Variants in CCDC68 observed in about 807,000 individuals in gnomAD.
CCDC68 encodes coiled-coil domain-containing protein 68.
Under a neutral mutation model 47.1 loss-of-function variants are expected in CCDC68, and 45 were observed. The observed-to-expected ratio is 0.96, with a 90% CI of 0.75 to 1.23. CCDC68 has a LOEUF of 1.23. Ranked by LOEUF, CCDC68 falls within the 50% of genes most tolerant of loss-of-function variation. CCDC68 has a pLI of 0.00. For missense variants in CCDC68, 353 were observed against 373.6 expected (o/e 0.94, Z 0.45); for synonymous variants, 131 against 129.5 (o/e 1.01, Z -0.08).
chr18:54,937,069 G>T, intron 5 of CCDC68, 111 bp from the exon 6 acceptor site: 1 of 980,010 alleles, frequency 1.0e-6, no homozygotes, highest in Non-Finnish European at 1.6e-6. Context: ...ACCATTTACA[G>T]CCTCATAGAC....
chr18:54,905,047 C>T (rs546962124), intron 11 of CCDC68, among the ~76,000 whole-genome samples: 1 of 152,116 alleles, frequency 6.6e-6, no homozygotes, highest in South Asian at 2.1e-4. Flanking sequence ...ATCACTTGAG[C>T]CCAGGAGTTC....
chr18:54,904,553 T>C lies in CCDC68; in HGVS notation c.951-138A>G, dbSNP rs1913874473. 1.0e-5 allele frequency: 7 copies of C among 683,376 alleles called. No individual in the cohort carries two copies. The South Asian group carries it at 1.1e-4, about 11-fold the overall frequency. The allele number at this position is 683,376 out of a possible 1,614,324, so 42.3% of individuals were successfully genotyped here. On this transcript the variant is annotated intron_variant, in intron 11 of 11. Transcript: ENST00000591504. ...TGCTTTGTTCTAAGAGATGTGTTAA[T>C]AGATGTATTCTGACCAGTTCCCCAT... is the stretch of plus-strand genomic sequence containing the variant.
chr18:54,911,242 G>T (rs1914348904), intron 10 of CCDC68, among the ~76,000 whole-genome samples: 1 of 151,974 alleles, frequency 6.6e-6, no homozygotes, highest in Non-Finnish European at 1.5e-5. Context: ...TAGAGACAGG[G>T]TTTCACCATG....
chr18:54,957,568 C>A (rs980435885), intron 1 of CCDC68, among the ~76,000 whole-genome samples: 93 of 152,068 alleles, frequency 6.1e-4, no homozygotes, highest in African/African-American at 2.1e-3. Context: ...CATGAATAGG[C>A]CCACAAATTT....
chr18:54,925,025 C>T (rs1339388465), intron 8 of CCDC68, among the ~76,000 whole-genome samples: 1 of 152,076 alleles, frequency 6.6e-6, no homozygotes, highest in African/African-American at 2.4e-5. Context: ...TATGACCATA[C>T]CCTGGGCAAT....
intron 7 of CCDC68, among the ~76,000 whole-genome samples, chr18:54,930,821 C>T (rs185150988): frequency 9.9e-5 from 15 of 151,056 alleles, no homozygotes; most frequent in Admixed American, 5.9e-4. Flanking sequence ...CAGGTTCAAG[C>T]GATTCTCCTG....
At chr18:54,958,248 G>A (rs1308155273) in intron 1 of CCDC68, among the ~76,000 whole-genome samples, 1 of 152,178 alleles carries the variant, frequency 6.6e-6, no homozygotes, top group East Asian at 1.9e-4. Context: ...AAATTCCTCT[G>A]TGTCAGGGGC....
chr18:54,904,364 C>T lies in CCDC68; in HGVS notation c.1002G>A (p.Arg334=). The part of the protein sequence containing the change: ...VSPYLMLIRL[R]K Reference sequence around the variant, plus strand: ...AGATCTTCATCCAGCCAGTTCATTTCCGTAACCTAATCAACATTAAATAAG... The same window carrying T: ...AGATCTTCATCCAGCCAGTTCATTTTCGTAACCTAATCAACATTAAATAAG... Residue 334 remains arginine (R), a synonymous_variant, in exon 12 of 12, where the codon CGG becomes CGA. Transcript: ENST00000591504. The T allele has an allele frequency of 6.2e-7, 1 of 1,612,628 alleles. No homozygotes were observed. The highest frequency in any genetic ancestry group is 8.5e-7 in the Non-Finnish European group (1 of 1,178,690).
rs1349921031 is a variant in CCDC68, at chr18:54,936,840, A to G, written c.464T>C (p.Leu155Ser). 1 of 1,613,952 alleles carries G rather than the reference A, an allele frequency of 6.2e-7. No individual in the cohort carries two copies. Among genetic ancestry groups the G allele is most frequent in the Non-Finnish European group, 8.5e-7 (1 of 1,179,986 alleles). Reference protein sequence around the residue: ...VRKKQEDSKQLLQVNKLEKEQ... With the variant: ...VRKKQEDSKQSLQVNKLEKEQ... ...AAGCTGCATGTTTGGTACCTGGAGT[A>G]ATTGTTTACTGTCCTCCTGCTTCTT... Residue 155 changes from leucine to serine, a missense_variant, in exon 6 of 12, where the codon TTA becomes TCA. Coordinates refer to ENST00000591504, the MANE Select transcript of CCDC68 (RefSeq NM_025214.3).
chr18:54,919,409 A>G (rs762579438), intron 8 of CCDC68, 33 bp from the exon 9 acceptor site: 1 of 1,495,588 alleles, frequency 6.7e-7, no homozygotes, highest in Non-Finnish European at 9.3e-7. Context: ...ACCAAGAGAA[A>G]ATGATTGGCT....
intron 7 of CCDC68, among the ~76,000 whole-genome samples, chr18:54,932,753 G>A (rs2044284988): frequency 6.6e-6 from 1 of 152,208 alleles, no homozygotes; most frequent in Non-Finnish European, 1.5e-5. Flanking sequence ...GCCAGGATCT[G>A]AGCCACTGAA....
chr18:54,910,712 C>T (rs918635204), intron 10 of CCDC68, among the ~76,000 whole-genome samples: 6 of 152,248 alleles, frequency 3.9e-5, no homozygotes, highest in Admixed American at 1.3e-4. Flanking sequence ...CTTGGCTTCC[C>T]TCTCATGCTC....
At position 54,902,449 on chromosome 18, in the gene CCDC68, C is replaced by T. The variant is rs1264292322; in HGVS notation, c.*1909G>A. On this transcript the variant is annotated 3_prime_UTR_variant, in exon 12 of 12. Coordinates refer to ENST00000591504, the MANE Select transcript of CCDC68 (RefSeq NM_025214.3). ...CTTACTACACTGCAAATACTTAAAGCAGGACTCATGATCCTAATTTTCCTA... is the reference window on the plus strand; with the variant it reads ...CTTACTACACTGCAAATACTTAAAGTAGGACTCATGATCCTAATTTTCCTA... 6.6e-6 allele frequency: 1 copy of T among 152,160 alleles called. No homozygotes were observed. The allele number at this position is 152,160 out of a possible 1,614,324, so 9.4% of individuals were successfully genotyped here.
intron 2 of CCDC68, among the ~76,000 whole-genome samples, chr18:54,943,250 T>C (rs975551930): frequency 6.6e-6 from 1 of 152,082 alleles, no homozygotes; most frequent in Non-Finnish European, 1.5e-5. Flanking sequence ...GGAGAACTAA[T>C]AGTAAAAGAC....
intron 4 of CCDC68, 143 bp from the exon 5 acceptor site, chr18:54,938,240 T>C: frequency 1.4e-6 from 1 of 722,608 alleles, no homozygotes; most frequent in Non-Finnish European, 2.0e-6. Flanking sequence ...CAAATATCAA[T>C]GGGAAATTCT....
chr18:54,907,695 T>G (rs1181416729), intron 11 of CCDC68, 91 bp downstream of exon 11: 3 of 747,504 alleles, frequency 4.0e-6, no homozygotes, highest in Admixed American at 2.0e-5. Flanking sequence ...ACATAAGCAG[T>G]GACAGACTGG....
Position 54,919,299 on chromosome 18 carries a change from T to C in CCDC68, c.761A>G (p.His254Arg). The stretch of plus-strand genomic sequence containing the variant: ...CTGGATGACACTGCGCAGGTTCTGA[T>C]GTTGGGAGTGAATCACAAACTGCAG... ...SHLQFVIHSQHQNLRSVIQEM... is the reference protein window; with the variant it reads ...SHLQFVIHSQRQNLRSVIQEM... The change falls in exon 9 of 12, where the codon CAT becomes CGT. Residue 254 changes from histidine (H) to arginine (R), a missense_variant. Physicochemically the swap from His to Arg is conservative, Grantham distance 29. Coordinates refer to ENST00000591504, the MANE Select transcript of CCDC68 (RefSeq NM_025214.3). The C allele has an allele frequency of 6.2e-7, 1 of 1,614,010 alleles. No individual in the cohort carries two copies. Among genetic ancestry groups the C allele is most frequent in the Non-Finnish European group, 8.5e-7 (1 of 1,179,886 alleles).
At chr18:54,930,528 A>C (rs1255838553) in intron 7 of CCDC68, among the ~76,000 whole-genome samples, 3 of 151,910 alleles carry the variant, frequency 2.0e-5, no homozygotes, top group African/African-American at 7.3e-5. Flanking sequence ...CCAGATAGAA[A>C]TTGTCCTGGA....
At chr18:54,923,428 G>A (rs1307826396) in intron 8 of CCDC68, among the ~76,000 whole-genome samples, 1 of 150,224 alleles carries the variant, frequency 6.7e-6, no homozygotes, top group African/African-American at 2.5e-5. Flanking sequence ...TTACCATAGC[G>A]TTCACTGTAA....
Sources: gnomAD v4.1 joint callset for allele counts (sites outside exome capture counted in the v4.1 genomes callset) on GRCh38, gnomAD v4.1.1 for gene constraint, MANE v1.5 for transcripts, NCBI Gene and HGNC (gene_info 2026-07-23, HGNC 2026-07-21) for gene names.